CRTAM: variants seen among roughly 807,000 people sequenced by gnomAD.
The protein encoded by CRTAM is cytotoxic and regulatory T cell molecule.
Under a neutral mutation model 50.0 loss-of-function variants are expected in CRTAM, and 44 were observed. The ratio of observed to expected loss-of-function variants is 0.88; its 90% confidence interval spans 0.69 to 1.13. CRTAM has a LOEUF of 1.13. Among genes scored for constraint, CRTAM ranks in the 50% most tolerant of loss-of-function variants. CRTAM has a pLI of 0.00. For missense variants in CRTAM, 448 were observed against 457.5 expected (o/e 0.98, Z 0.19); for synonymous variants, 159 against 169.3 (o/e 0.94, Z 0.47).
rs183380682 is a variant in CRTAM, at chr11:122,840,582, A to T, written c.46+1990A>T. 3.4e-3 allele frequency among the ~76,000 whole-genome samples: 519 copies of T among 152,302 alleles called. 4 individuals carry two copies. Among genetic ancestry groups the T allele is most frequent in the African/African-American group, 0.012 (486 of 41,566 alleles). ...CCCGAGGGCATCTAAGCTCAATGGC[A>T]TTTGAGCAGTGGCTGCCACCCCTGA... On this transcript the variant is annotated intron_variant, in intron 1 of 9. Transcript: ENST00000227348.
chr11:122,853,560 C>T (rs548532891), intron 3 of CRTAM, among the ~76,000 whole-genome samples: 1 of 151,898 alleles, frequency 6.6e-6, no homozygotes, highest in South Asian at 2.1e-4. Flanking sequence ...GTGGCTCACA[C>T]TTGTAATCCC....
chr11:122,851,362 G>A (rs575773283), intron 2 of CRTAM, among the ~76,000 whole-genome samples: 1 of 152,016 alleles, frequency 6.6e-6, no homozygotes, highest in Non-Finnish European at 1.5e-5. Flanking sequence ...TCAACTAGAA[G>A]TAAATACTAA....
At chr11:122,844,560 AG>A (rs919417012) in intron 1 of CRTAM, among the ~76,000 whole-genome samples, 2 of 152,246 alleles carry the variant, frequency 1.3e-5, no homozygotes, top group Non-Finnish European at 2.9e-5. Flanking sequence ...AGGAGAACAA[AG>A]GTATCTGTCA....
intron 4 of CRTAM, among the ~76,000 whole-genome samples, chr11:122,854,987 G>A (rs1423734068): frequency 6.6e-6 from 1 of 151,818 alleles, no homozygotes; most frequent in Admixed American, 6.6e-5. Context: ...GTCTCACTCT[G>A]TCTCCCAGTG....
intron 6 of CRTAM, among the ~76,000 whole-genome samples, chr11:122,864,026 T>G (rs1862135808): frequency 6.6e-6 from 1 of 152,146 alleles, no homozygotes; most frequent in African/African-American, 2.4e-5. Context: ...TTTTTATAAT[T>G]TATCTTATCT....
intron 6 of CRTAM, among the ~76,000 whole-genome samples, chr11:122,864,354 G>A (rs1391009643): frequency 2.0e-5 from 3 of 152,244 alleles, no homozygotes; most frequent in Middle Eastern, 3.4e-3. Flanking sequence ...CTAAACCTCC[G>A]TTTTCTCAGA....
At chr11:122,865,941 C>T (rs556532766) in intron 7 of CRTAM, among the ~76,000 whole-genome samples, 7 of 152,288 alleles carry the variant, frequency 4.6e-5, no homozygotes, top group African/African-American at 1.4e-4. Flanking sequence ...CTGTTAACGT[C>T]CCAATCCAGG....
chr11:122,838,626 GCTGA>G, intron 1 of CRTAM, 34 bp downstream of exon 1: 1 of 1,608,810 alleles, frequency 6.2e-7, no homozygotes, highest in Non-Finnish European at 8.5e-7. Flanking sequence ...TTGTTGCTCA[GCTGA>G]CTTAATGTTT....
At chr11:122,844,214 T>A (rs939551959) in intron 1 of CRTAM, among the ~76,000 whole-genome samples, 1 of 152,222 alleles carries the variant, frequency 6.6e-6, no homozygotes, top group African/African-American at 2.4e-5. Flanking sequence ...ATCACAATTT[T>A]TAAAATGTTG....
At chr11:122,852,526 C>T (rs1861944684) in intron 3 of CRTAM, among the ~76,000 whole-genome samples, 1 of 152,180 alleles carries the variant, frequency 6.6e-6, no homozygotes, top group African/African-American at 2.4e-5. Flanking sequence ...TCTCACATAT[C>T]ACACAAATGA....
At chr11:122,854,390 A>G (rs948248455) in intron 4 of CRTAM, among the ~76,000 whole-genome samples, 1 of 152,234 alleles carries the variant, frequency 6.6e-6, no homozygotes, top group African/African-American at 2.4e-5. Flanking sequence ...ATAATATCTC[A>G]GGCGAGGCAC....
chr11:122,861,401 TATATATATATATATATA>T (rs1462321356), intron 5 of CRTAM, among the ~76,000 whole-genome samples: 9 of 17,522 alleles, frequency 5.1e-4, no homozygotes, highest in Admixed American at 1.2e-3. Context: ...TATATATATA[TATATATATATATATATA>T]TATTTTTTTT....
Position 122,863,355 on chromosome 11 carries a change from G to GAA in CRTAM, c.733+813_733+814dup, listed in dbSNP as rs1417318070. The stretch of plus-strand genomic sequence containing the variant: ...AAAGAAAGAAAGAAAGAAAGAAAAA[G>GAA]AAAGAAAGAAAGAAAAAGAAAGAAA... On this transcript the variant is annotated intron_variant, in intron 6 of 9. Transcript: ENST00000227348. Among the ~76,000 whole-genome samples, 125 of 49,026 alleles carry GAA rather than the reference G, an allele frequency of 2.5e-3. 1 individual carries two copies. The highest frequency in any genetic ancestry group is 4.8e-3 in the African/African-American group (113 of 23,402). 32.2% of individuals were successfully genotyped at this position (49,026 alleles called of 152,430 possible). A position where few individuals can be genotyped will look rare whatever the true frequency, so the allele number is the denominator to read the frequency against.
chr11:122,847,261 G>A (rs759084572), intron 1 of CRTAM, among the ~76,000 whole-genome samples: 9 of 152,156 alleles, frequency 5.9e-5, no homozygotes, highest in Non-Finnish European at 1.0e-4. Flanking sequence ...GTGCGTGTGT[G>A]TTACCATTGC....
intron 1 of CRTAM, among the ~76,000 whole-genome samples, chr11:122,849,006 G>T (rs962921297): frequency 4.6e-5 from 7 of 152,280 alleles, no homozygotes; most frequent in Middle Eastern, 3.4e-3. Context: ...TTCTCTGGGG[G>T]TTGTGATTCG....
In CRTAM at chr11:122,855,754, A is replaced by G. The variant is rs1861997695; in HGVS notation, c.550A>G (p.Ile184Val). 6.2e-7 allele frequency: 1 copy of G among 1,613,762 alleles called. No homozygotes were observed. The highest frequency in any genetic ancestry group is 8.5e-7 in the Non-Finnish European group (1 of 1,179,734). ...GAAATGTAATACTACCAGCACTCTC[A>G]TAATCCACACTTATGGCAAAAATTC... ...GKKCNTTSTL[I>V]IHTYGKNSTV... The change falls in exon 5 of 10, where the codon ATA becomes GTA. Residue 184 changes from isoleucine (I) to valine (V), a missense_variant. By Grantham distance (29) the Ile-to-Val change is conservative. Coordinates refer to ENST00000227348, the MANE Select transcript of CRTAM (RefSeq NM_019604.4).
intron 1 of CRTAM, among the ~76,000 whole-genome samples, chr11:122,839,938 G>T (rs1417641617): frequency 6.6e-6 from 1 of 152,012 alleles, no homozygotes; most frequent in Admixed American, 6.6e-5. Context: ...ACTTAATAAG[G>T]ATTCAATTTT....
intron 9 of CRTAM, among the ~76,000 whole-genome samples, chr11:122,870,712 T>C (rs1862242048): frequency 6.6e-6 from 1 of 152,182 alleles, no homozygotes; most frequent in Non-Finnish European, 1.5e-5. Flanking sequence ...AACAGATTAT[T>C]TTACAGCAGA....
intron 1 of CRTAM, among the ~76,000 whole-genome samples, chr11:122,841,363 T>C (rs935808180): frequency 6.6e-6 from 1 of 151,916 alleles, no homozygotes; most frequent in Non-Finnish European, 1.5e-5. Context: ...AAAGTTAGCA[T>C]CCTATTATAA....
Sources: allele counts gnomAD v4.1 joint callset (sites outside exome capture counted in the v4.1 genomes callset), GRCh38; gene constraint gnomAD v4.1.1; transcripts MANE v1.5; gene names NCBI Gene and HGNC (gene_info 2026-07-23, HGNC 2026-07-21).